The following CLVS2 variants were observed in gnomAD, a reference collection of about 807,000 sequenced individuals.
CLVS2 encodes the protein clavesin-2.
In CLVS2, 19 loss-of-function variants were observed where a neutral mutation model predicts 29.0. The ratio of observed to expected loss-of-function variants is 0.66; its 90% confidence interval spans 0.46 to 0.96. The LOEUF (loss-of-function observed/expected upper bound fraction) is 0.96, where lower values mean the gene tolerates loss of function less well. Among genes scored for constraint, CLVS2 ranks in the 40% least tolerant of loss-of-function variants. The pLI, the probability that CLVS2 is intolerant of heterozygous loss-of-function variation, is 0.00. For missense variants in CLVS2, 294 were observed against 404.1 expected (o/e 0.73, Z 2.34); for synonymous variants, 161 against 151.3 (o/e 1.06, Z -0.47).
chr6:123,071,577 T>C lies in CLVS2; in HGVS notation c.*7816T>C, dbSNP rs1772950077. On this transcript the variant is annotated 3_prime_UTR_variant, in exon 6 of 6. Transcript: ENST00000275162. Reference sequence around the variant, plus strand: ...CATGGTTAATTTCAATTTTTAAAAATATGCAGGAAGTTAAAAGACTATAAT... The same window carrying C: ...CATGGTTAATTTCAATTTTTAAAAACATGCAGGAAGTTAAAAGACTATAAT... 1 of 151,980 alleles carries C rather than the reference T, an allele frequency of 6.6e-6. No individual in the cohort carries two copies. The highest frequency in any genetic ancestry group is 2.1e-4 in the South Asian group (1 of 4,828). The allele number at this position is 151,980 out of a possible 1,614,324, so 9.4% of individuals were successfully genotyped here. A position where few individuals can be genotyped will look rare whatever the true frequency, so the allele number is the denominator to read the frequency against.
rs371688821 is a variant in CLVS2, at chr6:123,011,109, G to T, written c.514G>T (p.Ala172Ser). Residue 172 changes from alanine (A) to serine (S), a missense_variant, in exon 3 of 6, where the codon GCC (alanine) becomes TCC (serine). Around this residue, in one of 2 missense-constraint regions of CLVS2, gnomAD observed 212 missense variants for 336.4 expected, o/e 0.63. Transcript: ENST00000275162. Reference sequence around the variant, plus strand: ...CTGGAGTAACTTCACTTTCAAGCAAGCCTCTAAACTCACACCAAGTATGCT... The same window carrying T: ...CTGGAGTAACTTCACTTTCAAGCAATCCTCTAAACTCACACCAAGTATGCT... ...IDWSNFTFKQ[A>S]SKLTPSMLRL... 1.9e-6 allele frequency: 3 copies of T among 1,611,012 alleles called. No individual in the cohort carries two copies. Among genetic ancestry groups the T allele is most frequent in the Non-Finnish European group, 2.5e-6 (3 of 1,178,394 alleles).
chr6:123,036,948 G>T (rs1182720281), intron 3 of CLVS2, among the ~76,000 whole-genome samples: 1 of 152,130 alleles, frequency 6.6e-6, no homozygotes, highest in Non-Finnish European at 1.5e-5. Context: ...CCAACTCCAT[G>T]ATATTGGTCA....
chr6:123,046,165 C>T (rs1562172664), intron 3 of CLVS2, among the ~76,000 whole-genome samples: 1 of 152,168 alleles, frequency 6.6e-6, no homozygotes, highest in Non-Finnish European at 1.5e-5. Flanking sequence ...GCTAAATCTA[C>T]TTGATTGCAA....
intron 2 of CLVS2, among the ~76,000 whole-genome samples, chr6:123,002,686 T>C (rs1461647134): frequency 6.6e-6 from 1 of 152,130 alleles, no homozygotes; most frequent in Non-Finnish European, 1.5e-5. Flanking sequence ...ATTTTTACTC[T>C]GCAACAAAAA....
chr6:123,028,221 T>C (rs543698651), intron 3 of CLVS2, among the ~76,000 whole-genome samples: 1 of 131,064 alleles, frequency 7.6e-6, no homozygotes, highest in Admixed American at 8.1e-5. Flanking sequence ...TGTGTTGAAC[T>C]GTTGGCTATG....
intron 3 of CLVS2, among the ~76,000 whole-genome samples, chr6:123,046,838 A>C (rs1373807764): frequency 6.6e-6 from 1 of 152,132 alleles, no homozygotes; most frequent in African/African-American, 2.4e-5. Context: ...AAATATTTCC[A>C]TGTGCGTTGC....
At chr6:123,001,789 G>T (rs973020782) in intron 2 of CLVS2, among the ~76,000 whole-genome samples, 6 of 152,196 alleles carry the variant, frequency 3.9e-5, no homozygotes, top group Non-Finnish European at 5.9e-5. Context: ...TGGAGAAAAG[G>T]AAGCTTGGAA....
intron 2 of CLVS2, among the ~76,000 whole-genome samples, chr6:123,005,751 C>T (rs990625100): frequency 2.6e-5 from 4 of 152,112 alleles, no homozygotes; most frequent in African/African-American, 7.2e-5. Context: ...AGGCAGGGTG[C>T]CACCCCTCCA....
rs184656807 is a variant in CLVS2 at position 123,069,372 on chromosome 6, C to G, written c.*5611C>G. ...ATGTGAAATTAAAAAAAAAATTCAG[C>G]CTGATTTGAGAAAGAATGCTTACTC... On this transcript the variant is annotated 3_prime_UTR_variant, in exon 6 of 6. Transcript: ENST00000275162. 6.6e-6 allele frequency: 1 copy of G among 151,664 alleles called. No individual in the cohort carries two copies. Among genetic ancestry groups the G allele is most frequent in the African/African-American group, 2.4e-5 (1 of 41,356 alleles). The allele number at this position is 151,664 out of a possible 1,614,324, so 9.4% of individuals were successfully genotyped here.
intron 3 of CLVS2, among the ~76,000 whole-genome samples, chr6:123,042,801 A>G (rs915147971): frequency 6.6e-6 from 1 of 152,312 alleles, no homozygotes; most frequent in African/African-American, 2.4e-5. Context: ...TGGGAAAAGC[A>G]TGACTTTCTT....
chr6:123,061,233 G>A (rs1772773502), intron 5 of CLVS2, among the ~76,000 whole-genome samples: 1 of 151,996 alleles, frequency 6.6e-6, no homozygotes, highest in Non-Finnish European at 1.5e-5. Flanking sequence ...GGAGGCGGAG[G>A]TTGCGGTGAG....
intron 5 of CLVS2, among the ~76,000 whole-genome samples, chr6:123,058,888 C>G (rs976714219): frequency 6.6e-6 from 1 of 152,108 alleles, no homozygotes; most frequent in South Asian, 2.1e-4. Flanking sequence ...AAACTCCTGG[C>G]CTCAAGTGAT....
chr6:123,022,235 T>C (rs1446859101), intron 3 of CLVS2, among the ~76,000 whole-genome samples: 1 of 152,148 alleles, frequency 6.6e-6, no homozygotes, highest in African/African-American at 2.4e-5. Flanking sequence ...ATGTACATTT[T>C]ATCTTCTAAA....
At chr6:123,040,425 A>C (rs1775211304) in intron 3 of CLVS2, among the ~76,000 whole-genome samples, 1 of 152,154 alleles carries the variant, frequency 6.6e-6, no homozygotes, top group African/African-American at 2.4e-5. Flanking sequence ...ATTTCAGTAC[A>C]TGTGTTCAAA....
intron 3 of CLVS2, among the ~76,000 whole-genome samples, chr6:123,029,176 C>G (rs1419700547): frequency 6.6e-6 from 1 of 152,138 alleles, no homozygotes; most frequent in Non-Finnish European, 1.5e-5. Flanking sequence ...CTATGATATT[C>G]TTGTTATAAT....
At chr6:122,998,270 T>C in intron 2 of CLVS2, 104 bp downstream of exon 2, 2 of 1,370,468 alleles carry the variant, frequency 1.5e-6, no homozygotes, top group Non-Finnish European at 2.0e-6. Flanking sequence ...TTTGTTTATT[T>C]GGCTTGGAGA....
intron 3 of CLVS2, among the ~76,000 whole-genome samples, chr6:123,041,097 A>T (rs1775224022): frequency 6.6e-6 from 1 of 152,140 alleles, no homozygotes; most frequent in Non-Finnish European, 1.5e-5. Context: ...TTTTGAACTT[A>T]ATTAGAAATA....
intron 5 of CLVS2, among the ~76,000 whole-genome samples, chr6:123,062,495 A>G (rs1215283632): frequency 6.6e-6 from 1 of 151,672 alleles, no homozygotes; most frequent in African/African-American, 2.4e-5. Context: ...TTTTTCCATG[A>G]TAGGCATCTA....
intron 3 of CLVS2, among the ~76,000 whole-genome samples, chr6:123,046,873 A>C (rs911748277): frequency 1.3e-5 from 2 of 152,148 alleles, no homozygotes; most frequent in Non-Finnish European, 2.9e-5. Flanking sequence ...TGTGAGACAA[A>C]TCCTTCTAAG....
Sources: allele counts gnomAD v4.1 joint callset (sites outside exome capture counted in the v4.1 genomes callset), GRCh38; gene constraint gnomAD v4.1.1; regional missense constraint gnomAD v4.1.1; transcripts MANE v1.5; gene names NCBI Gene and HGNC (gene_info 2026-07-23, HGNC 2026-07-21).